MAP3K9: variants seen among roughly 807,000 people sequenced by gnomAD.
MAP3K9 encodes mitogen-activated protein kinase kinase kinase 9, also known as mixed lineage kinase 1 (tyr and ser/thr specificity).
Under a neutral mutation model 95.8 loss-of-function variants are expected in MAP3K9, and 46 were observed. The observed-to-expected ratio is 0.48, with a 90% CI of 0.38 to 0.61. The LOEUF is 0.61. Ranked by LOEUF, MAP3K9 falls within the 20% of genes least tolerant of loss-of-function variation. The probability of loss-of-function intolerance (pLI) is 0.00; values close to 1 mark genes in which losing one functional copy is unlikely to be tolerated. For missense variants in MAP3K9, 1,296 were observed against 1,474.3 expected, an observed-to-expected ratio of 0.88 and a Z score of 1.98; for synonymous variants, 533 against 593.8, an observed-to-expected ratio of 0.90 and a Z score of 1.49.
At chr14:70,797,475 C>T (rs937705176) in intron 2 of MAP3K9, among the ~76,000 whole-genome samples, 13 of 151,990 alleles carry the variant, frequency 8.6e-5, no homozygotes, top group Non-Finnish European at 1.8e-4. Flanking sequence ...CACTGGCTCA[C>T]GCCTGTAGTC....
At position 70,725,305 on chromosome 14, in the gene MAP3K9, G is replaced by A. The variant is rs977915178; in HGVS notation, c.*5075C>T. 6.6e-6 allele frequency: 1 copy of A among 152,294 alleles called. No homozygotes were observed. The highest frequency in any genetic ancestry group is 1.5e-5 in the Non-Finnish European group (1 of 68,098). The allele number at this position is 152,294 out of a possible 1,614,324, so 9.4% of individuals were successfully genotyped here. ...AGGCCCCCGTACTTCCAGGGCCCAA[G>A]ACGGGAAATGGATGAGGAAGCGGGT... On this transcript the variant is annotated 3_prime_UTR_variant, in exon 12 of 12. Coordinates refer to ENST00000554752, the MANE Select transcript of MAP3K9 (RefSeq NM_001284230.2).
intron 2 of MAP3K9, among the ~76,000 whole-genome samples, chr14:70,798,471 G>GATTTTTTT (rs2054889622): frequency 1.5e-5 from 1 of 65,438 alleles, no homozygotes; most frequent in African/African-American, 6.2e-5. Flanking sequence ...GTCACCAAAA[G>GATTTTTTT]TTTTTTTTTT....
intron 2 of MAP3K9, among the ~76,000 whole-genome samples, chr14:70,764,916 A>G (rs2054429002): frequency 6.6e-6 from 1 of 152,250 alleles, no homozygotes; most frequent in Non-Finnish European, 1.5e-5. Context: ...ATGTTTTTGT[A>G]AAGCTGTACA....
Position 70,809,309 on chromosome 14 carries a change from C to T in MAP3K9, c.-138G>A. On this transcript the variant is annotated 5_prime_UTR_variant, in exon 1 of 12. Coordinates refer to ENST00000554752, the MANE Select transcript of MAP3K9 (RefSeq NM_001284230.2). ...GCAGGTAGGGCCCGGGCTGGCAGGG[C>T]TGGGAGAGCCGGCTCGCCGGCGCTG... is the stretch of plus-strand genomic sequence containing the variant. The T allele has an allele frequency of 9.0e-7, 1 of 1,106,844 alleles. No individual in the cohort carries two copies. Among genetic ancestry groups the T allele is most frequent in the East Asian group, 3.2e-5 (1 of 30,884 alleles). The allele number at this position is 1,106,844 out of a possible 1,614,324, so 68.6% of individuals were successfully genotyped here. A position where few individuals can be genotyped will look rare whatever the true frequency, so the allele number is the denominator to read the frequency against.
At chr14:70,798,471 G>GTTTTTTTTTTTTTTT (rs1170327816) in intron 2 of MAP3K9, among the ~76,000 whole-genome samples, 3 of 65,438 alleles carry the variant, frequency 4.6e-5, no homozygotes, top group Non-Finnish European at 8.2e-5. Context: ...GTCACCAAAA[G>GTTTTTTTTTTTTTTT]TTTTTTTTTT....
chr14:70,779,208 C>T (rs527962867), intron 2 of MAP3K9, among the ~76,000 whole-genome samples: 32 of 152,134 alleles, frequency 2.1e-4, no homozygotes, highest in Non-Finnish European at 4.0e-4. Context: ...ACAGACCCTG[C>T]CAAGGAACTT....
rs1255130138 is a variant in MAP3K9, at chr14:70,749,995, A to C, written c.1088T>G (p.Met363Arg). Residue 363 changes from methionine (M) to arginine (R), a missense_variant, in exon 4 of 12, where the codon ATG becomes AGG. Around this residue, in one of 5 missense-constraint regions of MAP3K9, gnomAD observed 136 missense variants for 221.5 expected, o/e 0.61. Transcript: ENST00000554752. ...AGGAATAGGAAGGGCGAGTTTGTTCATGGCCACTCCATAAGCGACTGCTAA... is the reference window on the plus strand; with the variant it reads ...AGGAATAGGAAGGGCGAGTTTGTTCCTGGCCACTCCATAAGCGACTGCTAA... The part of the protein sequence containing the change: ...DGLAVAYGVA[M>R]NKLALPIPST... 2.5e-6 allele frequency: 4 copies of C among 1,614,088 alleles called. No homozygotes were observed. The African/African-American group carries it at 4.0e-5, about 16-fold the overall frequency.
Position 70,739,930 on chromosome 14 carries a change from A to C in MAP3K9, c.1690+112T>G, listed in dbSNP as rs763605841. 8 of 1,613,814 alleles carry C rather than the reference A, an allele frequency of 5.0e-6. No individual in the cohort carries two copies. The African/African-American group carries it at 1.1e-4, about 22-fold the overall frequency. On this transcript the variant is annotated intron_variant, in intron 7 of 11. Transcript: ENST00000554752. ...CATGTATATACACATTGTCGAGGAG[A>C]GGTGGCAGAAGTTATGGATGGAGCA...
chr14:70,771,833 C>T (rs1328656472), intron 2 of MAP3K9, among the ~76,000 whole-genome samples: 2 of 152,220 alleles, frequency 1.3e-5, no homozygotes, highest in Non-Finnish European at 2.9e-5. Flanking sequence ...ATATTTGCTT[C>T]CTACAGCACG....
chr14:70,806,863 T>C (rs2054995171), intron 1 of MAP3K9, among the ~76,000 whole-genome samples: 1 of 152,218 alleles, frequency 6.6e-6, no homozygotes, highest in Admixed American at 6.5e-5. Flanking sequence ...ATGACACTGT[T>C]TTCTAACATG....
At chr14:70,772,777 G>A (rs1211728819) in intron 2 of MAP3K9, among the ~76,000 whole-genome samples, 1 of 152,170 alleles carries the variant, frequency 6.6e-6, no homozygotes, top group Non-Finnish European at 1.5e-5. Flanking sequence ...CAGGTGCTAA[G>A]CTAAGTGATT....
rs762901153 is a variant in MAP3K9 at position 70,725,302 on chromosome 14, C to G, written c.*5078G>C. The G allele has an allele frequency of 2.6e-5, 4 of 152,214 alleles. No individual in the cohort carries two copies. The highest frequency in any genetic ancestry group is 4.8e-5 in the African/African-American group (2 of 41,444). 9.4% of individuals were successfully genotyped at this position (152,214 alleles called of 1,614,324 possible). On this transcript the variant is annotated 3_prime_UTR_variant, in exon 12 of 12. Coordinates refer to ENST00000554752, the MANE Select transcript of MAP3K9 (RefSeq NM_001284230.2). ...CAGAGGCCCCCGTACTTCCAGGGCC[C>G]AAGACGGGAAATGGATGAGGAAGCG... is the stretch of plus-strand genomic sequence containing the variant.
intron 10 of MAP3K9, chr14:70,733,895 C>A (rs2139707861): frequency 1.4e-6 from 1 of 695,812 alleles, no homozygotes; most frequent in South Asian, 1.6e-5. Context: ...TCTCCTCTTG[C>A]CCTTGGAAAT....
chr14:70,767,726 T>C (rs976131845), intron 2 of MAP3K9, among the ~76,000 whole-genome samples: 1 of 152,182 alleles, frequency 6.6e-6, no homozygotes, highest in Non-Finnish European at 1.5e-5. Flanking sequence ...TCTCACTCTG[T>C]TGCCCAGAAT....
At chr14:70,767,098 T>C (rs965234525) in intron 2 of MAP3K9, among the ~76,000 whole-genome samples, 1 of 152,080 alleles carries the variant, frequency 6.6e-6, no homozygotes, top group Non-Finnish European at 1.5e-5. Flanking sequence ...AAAGAACTCA[T>C]CCCGGCTGGG....
At chr14:70,733,691 TG>T (rs2053945374) in intron 10 of MAP3K9, 1 of 717,034 alleles carries the variant, frequency 1.4e-6, no homozygotes, top group African/African-American at 1.7e-5. Flanking sequence ...TTGCTGGGTG[TG>T]TCTGTGAGGC....
intron 2 of MAP3K9, among the ~76,000 whole-genome samples, chr14:70,761,992 T>C (rs1201754210): frequency 1.3e-5 from 2 of 152,234 alleles, no homozygotes; most frequent in African/African-American, 4.8e-5. Flanking sequence ...GAATACTTCA[T>C]GTAAATACAA....
Position 70,724,611 on chromosome 14 carries a change from T to C in MAP3K9, c.*5769A>G, listed in dbSNP as rs1027369789. On this transcript the variant is annotated 3_prime_UTR_variant, in exon 12 of 12. Transcript: ENST00000554752. ...CAGTATTTTTTAAAAATCAGAGTTA[T>C]TGAAAAATTCCACGATGAATACAGT... The C allele has an allele frequency of 6.6e-6, 1 of 152,154 alleles. No individual in the cohort carries two copies. Among genetic ancestry groups the C allele is most frequent in the Non-Finnish European group, 1.5e-5 (1 of 68,018 alleles). 9.4% of individuals were successfully genotyped at this position (152,154 alleles called of 1,614,324 possible).
intron 2 of MAP3K9, among the ~76,000 whole-genome samples, chr14:70,783,016 G>C (rs772920944): frequency 5.3e-5 from 8 of 152,198 alleles, no homozygotes; most frequent in Non-Finnish European, 1.2e-4. Context: ...TCTGCCTTCA[G>C]TGAATGCCCA....
Sources: gnomAD v4.1 joint callset for allele counts (sites outside exome capture counted in the v4.1 genomes callset) on GRCh38, gnomAD v4.1.1 for gene constraint, gnomAD v4.1.1 regional missense constraint, MANE v1.5 for transcripts, NCBI Gene and HGNC (gene_info 2026-07-23, HGNC 2026-07-21) for gene names.